Variants in CSPG4 observed in about 807,000 individuals in gnomAD.
CSPG4 encodes the protein chondroitin sulfate proteoglycan 4 (melanoma-associated).
Under a neutral mutation model 139.3 loss-of-function variants are expected in CSPG4, and 74 were observed. The observed-to-expected ratio is 0.53, with a 90% CI of 0.44 to 0.64. The LOEUF is 0.64. Among genes scored for constraint, CSPG4 ranks in the 30% least tolerant of loss-of-function variants. The pLI is 0.00. For synonymous variants in CSPG4, 1,234 were observed against 1,394.2 expected, an observed-to-expected ratio of 0.89 and a Z score of 2.56; for missense variants, 2,565 against 3,148.3, an observed-to-expected ratio of 0.81 and a Z score of 4.43.
chr15:75,706,011 G>A (rs1894366443), intron 1 of CSPG4, among the ~76,000 whole-genome samples: 1 of 152,214 alleles, frequency 6.6e-6, no homozygotes, highest in Non-Finnish European at 1.5e-5. Flanking sequence ...GTGTCTCTGT[G>A]TGTGTGTGGC....
chr15:75,695,202 T>A (rs1894210252), intron 1 of CSPG4, among the ~76,000 whole-genome samples: 1 of 151,908 alleles, frequency 6.6e-6, no homozygotes, highest in Non-Finnish European at 1.5e-5. Flanking sequence ...CTACCCACCC[T>A]TGCACTAAAG....
chr15:75,685,595 G>A lies in CSPG4; in HGVS notation c.3896C>T (p.Pro1299Leu). The change falls in exon 4 of 10, where the codon CCA (proline) becomes CTA (leucine). Residue 1299 changes from proline (P) to leucine (L), a missense_variant. Around this residue, in one of 5 missense-constraint regions of CSPG4, gnomAD observed 2,316 missense variants for 2,818.2 expected, o/e 0.82. Coordinates refer to ENST00000308508, the MANE Select transcript of CSPG4 (RefSeq NM_001897.5). Reference protein sequence around the residue: ...MVSRGALADEPPSLDPVQSFS... With the variant: ...MVSRGALADELPSLDPVQSFS... ...GCTCTGCACAGGGTCCAGGCTGGGT[G>A]GCTCATCTGCCAAGGCGCCACGCGA... 2 of 1,609,908 alleles carry A rather than the reference G, an allele frequency of 1.2e-6. No homozygotes were observed. The highest frequency in any genetic ancestry group is 1.1e-5 in the South Asian group (1 of 90,760).
In CSPG4 at chr15:75,706,813, G is replaced by A. The variant is rs78829663; in HGVS notation, c.88+5855C>T. 4.7e-3 allele frequency among the ~76,000 whole-genome samples: 719 copies of A among 152,256 alleles called. 27 individuals are homozygous for A. In the East Asian group the frequency reaches 0.095, roughly 20 times the overall value. On this transcript the variant is annotated intron_variant, in intron 1 of 9. Transcript: ENST00000308508. ...CAGGATCACCTTGACCAGGGAGGATGATATATTTGGGGAGAGAAGGACATA... is the reference window on the plus strand; with the variant it reads ...CAGGATCACCTTGACCAGGGAGGATAATATATTTGGGGAGAGAAGGACATA...
rs1893897301 is a variant in CSPG4 at position 75,676,655 on chromosome 15, G to A, written c.5864C>T (p.Ala1955Val). ...QLRAPLEVPQ[A>V]LGRSSLSQQQ... is the part of the protein sequence containing the mutation. ...CTGGCTCAGTGAGGAGCGCCCCAAA[G>A]CTTGGGGCACCTCCAGGGGTGCCCG... The change falls in exon 10 of 10, where the codon GCT becomes GTT. Residue 1955 changes from alanine to valine, a missense_variant. This residue lies in a region of CSPG4 where 2,316 missense variants were observed against 2,818.2 expected (regional missense o/e 0.82). Coordinates refer to ENST00000308508, the MANE Select transcript of CSPG4 (RefSeq NM_001897.5). The A allele has an allele frequency of 6.3e-7, 1 of 1,598,764 alleles. No individual in the cohort carries two copies. The highest frequency in any genetic ancestry group is 8.5e-7 in the Non-Finnish European group (1 of 1,171,666).
intron 5 of CSPG4, among the ~76,000 whole-genome samples, 167 bp downstream of exon 5, chr15:75,684,569 A>G (rs1291373397): frequency 3.9e-5 from 6 of 152,258 alleles, no homozygotes; most frequent in African/African-American, 1.4e-4. Flanking sequence ...ATTTCAGCAC[A>G]ATCTCACTTC....
intron 1 of CSPG4, among the ~76,000 whole-genome samples, chr15:75,701,025 G>A (rs527605743): frequency 6.6e-6 from 1 of 152,292 alleles, no homozygotes; most frequent in African/African-American, 2.4e-5. Context: ...GTGCTTCCAT[G>A]CTTTCCCTGG....
chr15:75,689,745 G>A lies in CSPG4; in HGVS notation c.1320C>T (p.Ala440=), dbSNP rs778268732. 3.0e-5 allele frequency: 49 copies of A among 1,612,638 alleles called. No homozygotes were observed. The highest frequency in any genetic ancestry group is 3.7e-5 in the Non-Finnish European group (44 of 1,179,776). The change falls in exon 3 of 10, where the codon GCC becomes GCT. Residue 440 remains alanine, a synonymous_variant. Coordinates refer to ENST00000308508, the MANE Select transcript of CSPG4 (RefSeq NM_001897.5). ...QLLTISPLVV[A]EGGTAWLEWR... Reference sequence around the variant, plus strand: ...ACTCAAGCCAGGCTGTGCCCCCCTCGGCCACCACCAGTGGGCTGATAGTCA... The same window carrying A: ...ACTCAAGCCAGGCTGTGCCCCCCTCAGCCACCACCAGTGGGCTGATAGTCA...
chr15:75,693,633 C>T (rs1894192584), intron 1 of CSPG4, among the ~76,000 whole-genome samples: 2 of 152,244 alleles, frequency 1.3e-5, no homozygotes, highest in South Asian at 4.1e-4. Context: ...GACCATCTGG[C>T]TTGGTGGTCA....
intron 3 of CSPG4, among the ~76,000 whole-genome samples, chr15:75,686,277 A>G (rs1441731520): frequency 1.3e-5 from 2 of 152,264 alleles, no homozygotes; most frequent in Non-Finnish European, 2.9e-5. Context: ...GTGTGTGCAC[A>G]CACACACACA....
chr15:75,688,515 A>T lies in CSPG4; in HGVS notation c.2550T>A (p.Asp850Glu). Residue 850 changes from aspartate (D) to glutamate (E), a missense_variant, in exon 3 of 10, where the codon GAT becomes GAA. Transcript: ENST00000308508. The part of the protein sequence containing the change: ...RLSDGQGFTQ[D>E]DIQAGRVTYG... ...AGGTCACCCGGCCAGCCTGTATGTC[A>T]TCCTGGGTGAAGCCCTGGCCATCTG... is the stretch of plus-strand genomic sequence containing the variant. 6.2e-7 allele frequency: 1 copy of T among 1,613,194 alleles called. No individual in the cohort carries two copies.
At chr15:75,686,630 C>T (rs1488934746) in intron 3 of CSPG4, among the ~76,000 whole-genome samples, 1 of 152,252 alleles carries the variant, frequency 6.6e-6, no homozygotes, top group African/African-American at 2.4e-5. Flanking sequence ...TGCCTCCTCC[C>T]GCGAGGCCTT....
At chr15:75,706,257 T>C (rs2141440656) in intron 1 of CSPG4, among the ~76,000 whole-genome samples, 1 of 152,324 alleles carries the variant, frequency 6.6e-6, no homozygotes, top group South Asian at 2.1e-4. Context: ...GAGAGTGGAC[T>C]GGCCCAGGCC....
chr15:75,707,313 A>G (rs1894387150), intron 1 of CSPG4, among the ~76,000 whole-genome samples: 1 of 152,262 alleles, frequency 6.6e-6, no homozygotes, highest in African/African-American at 2.4e-5. Context: ...CTTTAAAAAA[A>G]TCTATAATGT....
At chr15:75,694,257 G>A (rs1447436583) in intron 1 of CSPG4, among the ~76,000 whole-genome samples, 1 of 152,202 alleles carries the variant, frequency 6.6e-6, no homozygotes, top group Admixed American at 6.5e-5. Context: ...TCCCATACTG[G>A]GACTCCTCCT....
intron 1 of CSPG4, among the ~76,000 whole-genome samples, chr15:75,704,288 T>C (rs11072559): frequency 0.79 from 119,577 of 151,454 alleles, 47,370 homozygotes; most frequent in African/African-American, 0.88. Flanking sequence ...CAAGGCCACA[T>C]AGCAGGGCCA....
At position 75,676,689 on chromosome 15, in the gene CSPG4, C is replaced by A; in HGVS notation, c.5830G>T (p.Val1944Leu). 1 of 1,591,248 alleles carries A rather than the reference C, an allele frequency of 6.3e-7. No homozygotes were observed. Among genetic ancestry groups the A allele is most frequent in the Non-Finnish European group, 8.6e-7 (1 of 1,167,086 alleles). ...AVDILPSAIE[V>L]QLRAPLEVPQ... is the part of the protein sequence containing the mutation. Reference sequence around the variant, plus strand: ...ACCTCCAGGGGTGCCCGCAGCTGCACCTCGATGGCGGATGGTAGGATGTCC... The same window carrying A: ...ACCTCCAGGGGTGCCCGCAGCTGCAACTCGATGGCGGATGGTAGGATGTCC... The change falls in exon 10 of 10, where the codon GTG becomes TTG. Residue 1944 changes from valine to leucine, a missense_variant. Physicochemically the swap from Val to Leu is conservative, Grantham distance 32 (BLOSUM62 1). Around this residue, in one of 5 missense-constraint regions of CSPG4, gnomAD observed 2,316 missense variants for 2,818.2 expected, o/e 0.82. Coordinates refer to ENST00000308508, the MANE Select transcript of CSPG4 (RefSeq NM_001897.5).
rs141642595 is a variant in CSPG4 at position 75,682,720 on chromosome 15, C to T, written c.4670G>A (p.Arg1557His). ...SHRGTLDGGF[R>H]FRLSDGEHTS... ...GTGCTCGCCGTCAGAGAGGCGGAAG[C>T]GGAAGCCTCCATCCAGGGTTCCTGG... is the stretch of plus-strand genomic sequence containing the variant. Residue 1557 changes from arginine (R) to histidine (H), a missense_variant, in exon 7 of 10, where the codon CGC (arginine) becomes CAC (histidine). This residue lies in a region of CSPG4 where 2,316 missense variants were observed against 2,818.2 expected (regional missense o/e 0.82). Coordinates refer to ENST00000308508, the MANE Select transcript of CSPG4 (RefSeq NM_001897.5). The T allele has an allele frequency of 3.7e-3, 5,903 of 1,612,914 alleles. 17 individuals carry two copies. The highest frequency in any genetic ancestry group is 4.5e-3 in the Non-Finnish European group (5,323 of 1,180,002).
rs1215107928 is a variant in CSPG4, at chr15:75,689,698, A to G, written c.1367T>C (p.Leu456Pro). 1.2e-6 allele frequency: 2 copies of G among 1,612,884 alleles called. No homozygotes were observed. The highest frequency in any genetic ancestry group is 2.2e-5 in the South Asian group (2 of 91,078). ...WLEWRHVQPT[L>P]DLMEAELRKS... is the part of the protein sequence containing the mutation. ...GCGCAGCTCAGCCTCCATCAGGTCC[A>G]GCGTGGGCTGCACATGCCTCCACTC... Residue 456 changes from leucine to proline, a missense_variant, in exon 3 of 10, where the codon CTG becomes CCG. By Grantham distance (98) the Leu-to-Pro change is moderately conservative. Around this residue, in one of 5 missense-constraint regions of CSPG4, gnomAD observed 2,316 missense variants for 2,818.2 expected, o/e 0.82. Coordinates refer to ENST00000308508, the MANE Select transcript of CSPG4 (RefSeq NM_001897.5).
In CSPG4 at chr15:75,676,580, C is replaced by T. The variant is rs117177957; in HGVS notation, c.5939G>A (p.Arg1980His). Residue 1980 changes from arginine to histidine, a missense_variant, in exon 10 of 10, where the codon CGC becomes CAC. Physicochemically the swap from Arg to His is conservative, Grantham distance 29. Coordinates refer to ENST00000308508, the MANE Select transcript of CSPG4 (RefSeq NM_001897.5). The stretch of plus-strand genomic sequence containing the variant: ...CCCATACTGGGGTCCCTGGATGAGG[C>T]GGTATGCTGCCTCTGGCTCCTCCCG... The part of the protein sequence containing the change: ...SDREEPEAAY[R>H]LIQGPQYGHL... 6,380 of 1,613,092 alleles carry T rather than the reference C, an allele frequency of 4.0e-3. 22 individuals carry two copies. Among genetic ancestry groups the T allele is most frequent in the Non-Finnish European group, 4.8e-3 (5,624 of 1,179,872 alleles).
Sources: allele counts gnomAD v4.1 joint callset (sites outside exome capture counted in the v4.1 genomes callset), GRCh38; gene constraint gnomAD v4.1.1; regional missense constraint gnomAD v4.1.1; transcripts MANE v1.5; gene names NCBI Gene and HGNC (gene_info 2026-07-23, HGNC 2026-07-21).